The following BBC3 variants were observed in gnomAD, a reference collection of about 807,000 sequenced individuals.
BBC3 encodes BCL2 binding component 3.
A neutral mutation model predicts 18.2 loss-of-function variants in BBC3; 5 were observed. That is an observed-to-expected ratio of 0.27 (90% CI 0.14 to 0.58). The LOEUF is 0.58. Among genes scored for constraint, BBC3 ranks in the 20% least tolerant of loss-of-function variants. The pLI is 0.91. For synonymous variants in BBC3, 119 were observed against 128.0 expected, an observed-to-expected ratio of 0.93 and a Z score of 0.47; for missense variants, 224 against 268.9, an observed-to-expected ratio of 0.83 and a Z score of 1.17.
intron 3 of BBC3, among the ~76,000 whole-genome samples, chr19:47,226,007 T>C (rs925849544): frequency 6.6e-6 from 1 of 151,782 alleles, no homozygotes; most frequent in African/African-American, 2.4e-5. Flanking sequence ...GGGCGCATGA[T>C]GTTTGTGATT....
upstream of BBC3, chr19:47,231,229 CA>C (rs1482242626): frequency 1.0e-6 from 1 of 980,716 alleles, no homozygotes; most frequent in African/African-American, 1.8e-5. The surrounding 1 kb of genome is among the most constrained non-coding windows in gnomAD (Gnocchi z 4.0). Flanking sequence ...GGGCCCGCTC[CA>C]AAGCCGCCCC....
At chr19:47,231,224 C>A (rs950825017), upstream of BBC3, 50 of 980,920 alleles carry the variant, frequency 5.1e-5, no homozygotes, top group South Asian at 2.7e-4. The surrounding 1 kb of genome is among the most constrained non-coding windows in gnomAD (Gnocchi z 4.0). Flanking sequence ...ATCCCGGGCC[C>A]GCTCCAAAGC....
Position 47,228,110 on chromosome 19 carries a change from C to T in BBC3, c.274+48G>A. On this transcript the variant is annotated intron_variant, in intron 2 of 3. Transcript: ENST00000439096. This position sits in a 1 kb window ranked among gnomAD's most constrained non-coding sequence, Gnocchi z 5.5. ...CTCCAGTTCCTCCGAGTCTCCAGCC[C>T]TCTCTCTTCCCGGCTCCTATCACCC... The T allele has an allele frequency of 2.5e-6, 3 of 1,214,370 alleles. No homozygotes were observed. Among genetic ancestry groups the T allele is most frequent in the Non-Finnish European group, 3.1e-6 (3 of 973,384 alleles). 75.2% of individuals were successfully genotyped at this position (1,214,370 alleles called of 1,614,324 possible).
chr19:47,224,396 G>A (rs1280921446), intron 3 of BBC3, among the ~76,000 whole-genome samples: 1 of 152,102 alleles, frequency 6.6e-6, no homozygotes, highest in Non-Finnish European at 1.5e-5. Flanking sequence ...GCCAAGGCAG[G>A]AGGATCACTT....
chr19:47,226,786 C>G (rs1468365496), intron 2 of BBC3, 32 bp from the exon 3 acceptor site: 2 of 1,371,378 alleles, frequency 1.5e-6, no homozygotes, highest in Non-Finnish European at 1.9e-6. Flanking sequence ...GGTCAGCACC[C>G]ACCACCCCTC....
chr19:47,228,806 C>G lies in BBC3; in HGVS notation c.-15-360G>C, dbSNP rs2058873937. On this transcript the variant is annotated intron_variant, in intron 1 of 3. Transcript: ENST00000439096. This position sits in a 1 kb window ranked among gnomAD's most constrained non-coding sequence, Gnocchi z 5.5. The stretch of plus-strand genomic sequence containing the variant: ...CTCCACTTGGGACTCACAGCATGGG[C>G]TGGTGGGGACAACTTTCCCAACACA... 6.6e-6 allele frequency among the ~76,000 whole-genome samples: 1 copy of G among 151,910 alleles called. No homozygotes were observed. Among genetic ancestry groups the G allele is most frequent in the South Asian group, 2.1e-4 (1 of 4,826 alleles).
chr19:47,232,755 C>G, upstream of BBC3: 1 of 621,898 alleles, frequency 1.6e-6, no homozygotes, highest in African/African-American at 1.8e-5. Context: ...CTCACCCAAT[C>G]GCAATCGCCT....
intron 3 of BBC3, among the ~76,000 whole-genome samples, chr19:47,224,531 C>T (rs536314814): frequency 1.1e-4 from 16 of 151,930 alleles, no homozygotes; most frequent in African/African-American, 2.9e-4. Context: ...GAGGCTGAGG[C>T]GGGAGGATCC....
At chr19:47,225,404 C>T (rs746240428) in intron 3 of BBC3, among the ~76,000 whole-genome samples, 2 of 151,788 alleles carry the variant, frequency 1.3e-5, no homozygotes, top group Non-Finnish European at 2.9e-5. Context: ...GTCCCCCAGG[C>T]TGGAGTTCAG....
chr19:47,232,070 C>T (rs765226639), upstream of BBC3, among the ~76,000 whole-genome samples: 6 of 152,166 alleles, frequency 3.9e-5, no homozygotes, highest in Non-Finnish European at 5.9e-5. Flanking sequence ...AAGTGACATT[C>T]GCCCGACACG....
At chr19:47,223,506 G>A (rs1348951299) in intron 3 of BBC3, among the ~76,000 whole-genome samples, 1 of 152,064 alleles carries the variant, frequency 6.6e-6, no homozygotes, top group Non-Finnish European at 1.5e-5. Flanking sequence ...GGCGGAGGTT[G>A]CAGTGAGCCG....
At chr19:47,226,430 A>ACCC in intron 3 of BBC3, 134 bp downstream of exon 3, 1 of 122,252 alleles carries the variant, frequency 8.2e-6, no homozygotes, top group Non-Finnish European at 1.7e-5. Flanking sequence ...CCACCCACTT[A>ACCC]CCCCCCACCT....
upstream of BBC3, chr19:47,232,423 C>T: frequency 9.1e-7 from 1 of 1,097,074 alleles, no homozygotes; most frequent in Non-Finnish European, 1.3e-6. Flanking sequence ...AAACTGACCA[C>T]CCACACATGT....
Position 47,228,453 on chromosome 19 carries a change from G to T in BBC3, c.-15-7C>A, listed in dbSNP as rs912382307. On this transcript the variant is annotated splice_region_variant and splice_polypyrimidine_tract_variant and intron_variant, in intron 1 of 3. Transcript: ENST00000439096. This position sits in a 1 kb window ranked among gnomAD's most constrained non-coding sequence, Gnocchi z 5.5. The stretch of plus-strand genomic sequence containing the variant: ...CCATGGCGCTCCCTGGGGCCTGCGG[G>T]ACACGGGAGGAGGAGCAGGTCAGCA... 7.3e-6 allele frequency: 9 copies of T among 1,231,778 alleles called. No homozygotes were observed. Among genetic ancestry groups the T allele is most frequent in the Middle Eastern group, 2.7e-4 (1 of 3,724 alleles). The allele number at this position is 1,231,778 out of a possible 1,614,324, so 76.3% of individuals were successfully genotyped here.
At chr19:47,223,302 CACGCCTGTA>C (rs2058773811) in intron 3 of BBC3, among the ~76,000 whole-genome samples, 1 of 148,758 alleles carries the variant, frequency 6.7e-6, no homozygotes. Context: ...CAAGGTGGCT[CACGCCTGTA>C]ATCCCAGCAC....
intron 3 of BBC3, among the ~76,000 whole-genome samples, chr19:47,223,227 C>CAT (rs2058772426): frequency 6.7e-6 from 1 of 149,780 alleles, no homozygotes; most frequent in Non-Finnish European, 1.5e-5. Context: ...GCCGAGATGG[C>CAT]GCCACTGCAC....
chr19:47,228,448 T>C lies in BBC3; in HGVS notation c.-15-2A>G. 1 of 1,231,634 alleles carries C rather than the reference T, an allele frequency of 8.1e-7. No homozygotes were observed. Among genetic ancestry groups the C allele is most frequent in the Non-Finnish European group, 1.0e-6 (1 of 987,624 alleles). 76.3% of individuals were successfully genotyped at this position (1,231,634 alleles called of 1,614,324 possible). A position where few individuals can be genotyped will look rare whatever the true frequency, so the allele number is the denominator to read the frequency against. On this transcript the variant is annotated splice_acceptor_variant, in intron 1 of 3. Transcript: ENST00000439096. LOFTEE classifies it low-confidence loss of function (5UTR_SPLICE). This position sits in a 1 kb window ranked among gnomAD's most constrained non-coding sequence, Gnocchi z 5.5. Reference sequence around the variant, plus strand: ...GCGGGCCATGGCGCTCCCTGGGGCCTGCGGGACACGGGAGGAGGAGCAGGT... The same window carrying C: ...GCGGGCCATGGCGCTCCCTGGGGCCCGCGGGACACGGGAGGAGGAGCAGGT...
intron 3 of BBC3, among the ~76,000 whole-genome samples, chr19:47,226,296 G>C (rs1032908837): frequency 6.6e-6 from 1 of 151,812 alleles, no homozygotes. Flanking sequence ...CGCGGGCCAC[G>C]GGCGCGCAGC....
intron 2 of BBC3, chr19:47,227,017 C>G (rs2058836259): frequency 5.4e-6 from 2 of 369,256 alleles, no homozygotes; most frequent in Admixed American, 9.0e-5. Context: ...GAGAGGTGAC[C>G]CCGGGGGTGG....
Sources: allele counts gnomAD v4.1 joint callset (sites outside exome capture counted in the v4.1 genomes callset), GRCh38; gene constraint gnomAD v4.1.1; non-coding constraint Gnocchi (gnomAD v3.1); transcripts MANE v1.5; gene names NCBI Gene and HGNC (gene_info 2026-07-23, HGNC 2026-07-21).